Variants in DLG3 observed in about 807,000 individuals in gnomAD.
DLG3 encodes discs large MAGUK scaffold protein 3.
DLG3 carries 1 observed loss-of-function variant against 64.1 expected under a neutral mutation model. The observed-to-expected ratio is 0.02, with a 90% CI of 0.01 to 0.07. The LOEUF (loss-of-function observed/expected upper bound fraction) is 0.07, where lower values mean the gene tolerates loss of function less well. Ranked by LOEUF, DLG3 falls within the 10% of genes least tolerant of loss-of-function variation. The pLI is 1.00. For synonymous variants in DLG3, 245 were observed against 259.8 expected (o/e 0.94, Z 0.55); for missense variants, 429 against 669.5 (o/e 0.64, Z 3.96).
chrX:70,472,445 C>T (rs939949199), intron 9 of DLG3, among the ~76,000 whole-genome samples: 3 of 111,497 alleles, frequency 2.7e-5, no homozygotes, highest in South Asian at 3.8e-4. Context: ...ATCCCAGCTA[C>T]TCCGGATGCT....
At chrX:70,477,472 A>G (rs776071315) in intron 9 of DLG3, among the ~76,000 whole-genome samples, 49 of 111,918 alleles carry the variant, frequency 4.4e-4, no homozygotes, top group African/African-American at 1.5e-3. Flanking sequence ...GGCGGTCTCC[A>G]GAGGTAGACT....
chrX:70,468,002 T>A (rs1309996102), intron 9 of DLG3, among the ~76,000 whole-genome samples: 1 of 112,278 alleles, frequency 8.9e-6, no homozygotes, highest in Non-Finnish European at 1.9e-5. Context: ...TTTTTCTTAG[T>A]TTGATGTGAG....
chrX:70,468,694 G>C (rs2086923059), intron 9 of DLG3, among the ~76,000 whole-genome samples: 1 of 111,648 alleles, frequency 9.0e-6, no homozygotes, highest in Admixed American at 9.6e-5. Context: ...GCCCATTGAA[G>C]CCTATTTGCC....
intron 13 of DLG3, among the ~76,000 whole-genome samples, chrX:70,497,426 C>T (rs1325620437): frequency 8.9e-6 from 1 of 112,521 alleles, no homozygotes; most frequent in Non-Finnish European, 1.9e-5. Context: ...GAGTATAAGC[C>T]CTATAGTGCT....
rs183578042 is a variant in DLG3, at chrX:70,491,830, G to C, written c.1521-277G>C. Among the ~76,000 whole-genome samples, 692 of 112,270 alleles carry C rather than the reference G, an allele frequency of 6.2e-3. 5 individuals are homozygous for C. The highest frequency in any genetic ancestry group is 0.021 in the African/African-American group (657 of 30,925). On this transcript the variant is annotated intron_variant, in intron 10 of 18. Coordinates refer to ENST00000374360, the MANE Select transcript of DLG3 (RefSeq NM_021120.4). ...GGGCTATTGAGCGAGTTCTACTTTG[G>C]ACTTTTATCTTGCATCCAGAAGCCA... is the stretch of plus-strand genomic sequence containing the variant.
In DLG3 at chrX:70,504,627, T is replaced by C. The variant is rs1263847268; in HGVS notation, c.*2358T>C. ...ACCAGATGGGAGTCCACATCTGTGG[T>C]GGCAAAATGCTGACATTTTCCCAAG... On this transcript the variant is annotated 3_prime_UTR_variant, in exon 19 of 19. Coordinates refer to ENST00000374360, the MANE Select transcript of DLG3 (RefSeq NM_021120.4). The C allele has an allele frequency of 8.9e-6, 1 of 112,113 alleles. No homozygotes were observed. The highest frequency in any genetic ancestry group is 1.9e-5 in the Non-Finnish European group (1 of 53,185). The allele number at this position is 112,113 out of a possible 1,213,427, so 9.2% of individuals were successfully genotyped here.
At chrX:70,479,827 A>G (rs192251610) in intron 10 of DLG3, among the ~76,000 whole-genome samples, 1,534 of 111,057 alleles carry the variant, frequency 0.014, 26 homozygotes, top group African/African-American at 0.049. Context: ...GTGCCCTAGG[A>G]AGAGGGAGGG....
chrX:70,455,390 G>T, intron 9 of DLG3: 1 of 732,254 alleles, frequency 1.4e-6, no homozygotes, highest in Non-Finnish European at 1.6e-6. Context: ...TGCCTTCGTT[G>T]CGTGCCCCCA....
intron 1 of DLG3, among the ~76,000 whole-genome samples, chrX:70,445,826 TG>T (rs1367896214): frequency 1.3e-5 from 1 of 78,555 alleles, no homozygotes; most frequent in East Asian, 4.6e-4. Flanking sequence ...GTGGGGGAAT[TG>T]GGTTTGTCTC....
chrX:70,457,588 T>C (rs1453776818), intron 9 of DLG3, among the ~76,000 whole-genome samples: 1 of 109,909 alleles, frequency 9.1e-6, no homozygotes, highest in Non-Finnish European at 1.9e-5. Context: ...TTTTTTTTTT[T>C]TGAGACGGAG....
intron 9 of DLG3, chrX:70,455,011 TG>T: frequency 1.3e-6 from 1 of 752,730 alleles, no homozygotes; most frequent in Non-Finnish European, 1.6e-6. Flanking sequence ...GCCAGTGGAG[TG>T]GCCATTGGCC....
intron 18 of DLG3, among the ~76,000 whole-genome samples, chrX:70,501,545 G>A (rs771832286): frequency 9.1e-6 from 1 of 110,435 alleles, no homozygotes; most frequent in African/African-American, 3.3e-5. Context: ...AGGCAGTGCC[G>A]AATCCATTCT....
At chrX:70,493,249 G>T in intron 12 of DLG3, 1 of 552,004 alleles carries the variant, frequency 1.8e-6, no homozygotes, top group Non-Finnish European at 3.1e-6. Flanking sequence ...GACTCCATTT[G>T]TGAGAGATGG....
chrX:70,495,075 G>A (rs2087429954), intron 12 of DLG3, among the ~76,000 whole-genome samples: 1 of 111,614 alleles, frequency 9.0e-6, no homozygotes, highest in East Asian at 2.8e-4. Context: ...CTGTCCCATT[G>A]GCCTACAGCT....
chrX:70,479,286 T>A, intron 10 of DLG3, 22 bp downstream of exon 10: 3 of 1,103,523 alleles, frequency 2.7e-6, no homozygotes, highest in Non-Finnish European at 3.8e-6. Flanking sequence ...TTCAGAGCAC[T>A]AGCCCTTGTG....
At chrX:70,455,824 G>C (rs1239064097) in intron 9 of DLG3, 1 of 111,871 alleles carries the variant, frequency 8.9e-6, no homozygotes, top group Non-Finnish European at 1.9e-5. Flanking sequence ...CCTAGGCCCT[G>C]TGGGCCGATT....
At chrX:70,462,243 CTTTTTTTTTTTT>C (rs141689653) in intron 9 of DLG3, among the ~76,000 whole-genome samples, 3 of 46,984 alleles carry the variant, frequency 6.4e-5, no homozygotes, top group Admixed American at 3.3e-4. Flanking sequence ...TTCTTTCTTT[CTTTTTTTTTTTT>C]TTTTTTTTTT....
intron 7 of DLG3, chrX:70,453,421 C>T (rs1055504098): frequency 2.2e-6 from 1 of 449,644 alleles, no homozygotes. Context: ...GACTGCAAGC[C>T]CTCGGGAAGA....
rs1569295642 is a variant in DLG3, at chrX:70,497,321, G to C, written c.1820-1199G>C. 9.2e-6 allele frequency: 8 copies of C among 871,676 alleles called. No homozygotes were observed. The East Asian group carries it at 1.3e-4, about 14-fold the overall frequency. The allele number at this position is 871,676 out of a possible 1,213,427, so 71.8% of individuals were successfully genotyped here. A position where few individuals can be genotyped will look rare whatever the true frequency, so the allele number is the denominator to read the frequency against. On this transcript the variant is annotated intron_variant, in intron 13 of 18. Transcript: ENST00000374360. ...AGCTGCCATTGCTGCTCAGAGGCTG[G>C]TGCTTCTTTTAGCCATGTACACTTT...
Sources: allele counts gnomAD v4.1 joint callset (sites outside exome capture counted in the v4.1 genomes callset), GRCh38; gene constraint gnomAD v4.1.1; transcripts MANE v1.5; gene names NCBI Gene and HGNC (gene_info 2026-07-23, HGNC 2026-07-21).